The following UNC13C variants were observed in gnomAD, a reference collection of about 807,000 sequenced individuals.
UNC13C encodes protein unc-13 homolog C.
UNC13C carries 174 observed loss-of-function variants against 245.4 expected under a neutral mutation model. The observed-to-expected ratio is 0.71, with a 90% confidence interval of 0.63 to 0.80. The LOEUF (loss-of-function observed/expected upper bound fraction) is 0.80, where lower values mean the gene tolerates loss of function less well. Ranked by LOEUF, UNC13C falls within the 30% of genes least tolerant of loss-of-function variation. The pLI, the probability that UNC13C is intolerant of heterozygous loss-of-function variation, is 0.00. For missense variants in UNC13C, 2,829 were observed against 2,602.9 expected (o/e 1.09, Z -1.89); for synonymous variants, 992 against 895.1 (o/e 1.11, Z -1.93).
At chr15:54,399,706 A>C (rs938574830) in intron 18 of UNC13C, among the ~76,000 whole-genome samples, 2 of 151,698 alleles carry the variant, frequency 1.3e-5, no homozygotes, top group South Asian at 4.2e-4. Flanking sequence ...AAATCTGCCT[A>C]TTTTTCCCCT....
chr15:54,495,450 G>T (rs953893749), intron 20 of UNC13C, among the ~76,000 whole-genome samples: 6 of 152,010 alleles, frequency 3.9e-5, no homozygotes, highest in African/African-American at 1.4e-4. Flanking sequence ...ACAGAAGAGA[G>T]AAATTACCTC....
chr15:54,512,796 C>G (rs1894808817), intron 24 of UNC13C, among the ~76,000 whole-genome samples: 1 of 152,128 alleles, frequency 6.6e-6, no homozygotes, highest in African/African-American at 2.4e-5. Flanking sequence ...TATTTCTAAA[C>G]TTATGTGACT....
intron 26 of UNC13C, among the ~76,000 whole-genome samples, chr15:54,539,360 AG>A (rs1158051641): frequency 1.3e-5 from 2 of 152,070 alleles, no homozygotes; most frequent in African/African-American, 2.4e-5. Flanking sequence ...GCAGAAGAAA[AG>A]CAGAAGAAAG....
the UNC13C span, among the ~76,000 whole-genome samples, chr15:53,906,241 A>T: frequency 6.6e-5 from 10 of 152,126 alleles, no homozygotes; most frequent in Admixed American, 1.3e-4. Context: ...TGGGAGGATC[A>T]TCTGAGCATG....
intron 10 of UNC13C, among the ~76,000 whole-genome samples, chr15:54,282,524 G>T (rs1238068056): frequency 2.6e-5 from 4 of 152,150 alleles, no homozygotes; most frequent in Non-Finnish European, 5.9e-5. Context: ...CTGCCCAGGT[G>T]AGGGTGCCCA....
chr15:53,910,507 G>C, the UNC13C span, among the ~76,000 whole-genome samples: 1 of 146,646 alleles, frequency 6.8e-6, no homozygotes, highest in East Asian at 2.0e-4. Flanking sequence ...CTTGGGGCTC[G>C]GCTCAGCTCA....
At chr15:54,135,124 T>TA (rs2031663794) in intron 2 of UNC13C, among the ~76,000 whole-genome samples, 1 of 152,176 alleles carries the variant, frequency 6.6e-6, no homozygotes, top group Non-Finnish European at 1.5e-5. Context: ...TTGAAAAAAA[T>TA]ACCTGTTTTA....
rs911512433 is a variant in UNC13C, at chr15:54,369,200, C to A, written c.4714-23848C>A. ...GGATCGATGATTAACCTCCCCCCCC[C>A]AAAAAAAAAAGTTGAATGCTAGAGG... On this transcript the variant is annotated intron_variant, in intron 17 of 32. Transcript: ENST00000260323. 1.1e-4 allele frequency among the ~76,000 whole-genome samples: 16 copies of A among 149,314 alleles called. 1 individual carries two copies. The highest frequency in any genetic ancestry group is 7.0e-3 in the Middle Eastern group (2 of 284).
intron 18 of UNC13C, among the ~76,000 whole-genome samples, chr15:54,406,704 A>G (rs2040301038): frequency 6.6e-6 from 1 of 152,198 alleles, no homozygotes; most frequent in Non-Finnish European, 1.5e-5. Context: ...AAAAGCACCA[A>G]TCCTGTCACT....
chr15:54,556,168 G>T (rs1490686301), intron 29 of UNC13C, among the ~76,000 whole-genome samples: 1 of 151,924 alleles, frequency 6.6e-6, no homozygotes, highest in East Asian at 1.9e-4. Flanking sequence ...GTTTATTAAA[G>T]AGTTTGAAAG....
chr15:54,190,529 CCCTTTTTTCAG>C (rs1253616755), intron 4 of UNC13C, among the ~76,000 whole-genome samples: 1 of 151,920 alleles, frequency 6.6e-6, no homozygotes, highest in African/African-American at 2.4e-5. Flanking sequence ...CCATTCTTCA[CCCTTTTTTCAG>C]TTTTTAACAT....
chr15:54,416,871 T>C (rs1334730782), intron 19 of UNC13C: 1 of 456,214 alleles, frequency 2.2e-6, no homozygotes, highest in Admixed American at 2.4e-5. Context: ...GATTCCTTTA[T>C]TGTCTTCGCT....
intron 4 of UNC13C, among the ~76,000 whole-genome samples, chr15:54,149,651 T>C (rs2032432379): frequency 6.6e-6 from 1 of 152,236 alleles, no homozygotes; most frequent in Admixed American, 6.5e-5. Flanking sequence ...CTGTTAAAGA[T>C]CAATGTCTTT....
intron 30 of UNC13C, among the ~76,000 whole-genome samples, chr15:54,591,167 T>G (rs1898766806): frequency 6.6e-6 from 1 of 152,184 alleles, no homozygotes; most frequent in Non-Finnish European, 1.5e-5. Flanking sequence ...TGGATTATCT[T>G]TTTGATAGGT....
chr15:54,264,521 A>C, intron 9 of UNC13C, 126 bp downstream of exon 9: 1 of 750,016 alleles, frequency 1.3e-6, no homozygotes, highest in Non-Finnish European at 2.1e-6. Context: ...AATATGAACA[A>C]GACTAGTTGG....
At chr15:54,181,577 A>G (rs12440839) in intron 4 of UNC13C, among the ~76,000 whole-genome samples, 42,388 of 151,716 alleles carry the variant, frequency 0.28, 6,278 homozygotes, top group East Asian at 0.34. Context: ...TTCTAGGTCT[A>G]TGAAAAATGA....
At chr15:54,090,431 C>G (rs1430458607) in intron 2 of UNC13C, among the ~76,000 whole-genome samples, 3 of 152,118 alleles carry the variant, frequency 2.0e-5, no homozygotes, top group African/African-American at 7.2e-5. Context: ...CTACTAAATA[C>G]TTAGTATATT....
chr15:54,343,468 T>A (rs1444482364), intron 17 of UNC13C, among the ~76,000 whole-genome samples: 1 of 152,190 alleles, frequency 6.6e-6, no homozygotes, highest in Non-Finnish European at 1.5e-5. Flanking sequence ...TACCAGACTT[T>A]ACCAGGTTCA....
intron 8 of UNC13C, among the ~76,000 whole-genome samples, chr15:54,263,865 C>T (rs12917198): frequency 0.42 from 64,301 of 151,812 alleles, 14,187 homozygotes; most frequent in African/African-American, 0.53. Context: ...CTGTTTGCTG[C>T]TTTTGAATTC....
Sources: allele counts gnomAD v4.1 joint callset (sites outside exome capture counted in the v4.1 genomes callset), GRCh38; gene constraint gnomAD v4.1.1; transcripts MANE v1.5; gene names NCBI Gene and HGNC (gene_info 2026-07-23, HGNC 2026-07-21).